The following ASIC2 variants were observed in gnomAD, a reference collection of about 807,000 sequenced individuals.
The protein encoded by ASIC2 is acid sensing ion channel subunit 2, also known as acid-sensing ion channel 2.
ASIC2 carries 25 observed loss-of-function variants against 57.3 expected under a neutral mutation model. The ratio of observed to expected loss-of-function variants is 0.44; its 90% CI spans 0.32 to 0.61. The LOEUF is 0.61. Among genes scored for constraint, ASIC2 ranks in the 20% least tolerant of loss-of-function variants. The probability of loss-of-function intolerance (pLI) is 0.06; values close to 1 mark genes in which losing one functional copy is unlikely to be tolerated. For synonymous variants in ASIC2, 319 were observed against 307.5 expected (o/e 1.04, Z -0.39); for missense variants, 641 against 738.1 (o/e 0.87, Z 1.52).
intron 1 of ASIC2, among the ~76,000 whole-genome samples, chr17:33,121,551 G>A (rs543218861): frequency 6.6e-6 from 1 of 152,296 alleles, no homozygotes; most frequent in Non-Finnish European, 1.5e-5. Context: ...TGTCTTAGCA[G>A]GGCCATGCTA....
chr17:33,030,744 A>G (rs773846160), intron 3 of ASIC2, among the ~76,000 whole-genome samples: 30 of 152,152 alleles, frequency 2.0e-4, no homozygotes, highest in Non-Finnish European at 8.8e-5. Context: ...TGGCAAATAT[A>G]CTTTCTACTT....
chr17:33,416,338 C>T (rs73983490), intron 1 of ASIC2, among the ~76,000 whole-genome samples: 24 of 152,352 alleles, frequency 1.6e-4, no homozygotes, highest in African/African-American at 5.5e-4. Flanking sequence ...TTCATCATGG[C>T]AGTTGACATC....
intron 1 of ASIC2, among the ~76,000 whole-genome samples, chr17:33,288,715 GACACACACAC>G (rs56013728): frequency 0.017 from 2,456 of 143,606 alleles, 72 homozygotes; most frequent in African/African-American, 0.059. Context: ...AGCTCTCTCT[GACACACACAC>G]ACACACACAC....
At chr17:33,472,505 G>C (rs1400361737) in intron 1 of ASIC2, among the ~76,000 whole-genome samples, 1 of 152,172 alleles carries the variant, frequency 6.6e-6, no homozygotes, top group African/African-American at 2.4e-5. Context: ...TATACAGCTA[G>C]GAGCAGAAAC....
At chr17:34,092,284 G>T (rs140806328) in intron 1 of ASIC2, among the ~76,000 whole-genome samples, 1 of 152,204 alleles carries the variant, frequency 6.6e-6, no homozygotes, top group Non-Finnish European at 1.5e-5. Flanking sequence ...AGGCAAAGTG[G>T]TATTGGCCAG....
intron 1 of ASIC2, among the ~76,000 whole-genome samples, chr17:33,267,955 A>G (rs2142153200): frequency 1.3e-5 from 2 of 152,252 alleles, no homozygotes; most frequent in East Asian, 3.9e-4. Context: ...ACAAGATCTT[A>G]ATTTCTTTTG....
At chr17:33,269,826 T>C (rs1023042705) in intron 1 of ASIC2, among the ~76,000 whole-genome samples, 1 of 151,428 alleles carries the variant, frequency 6.6e-6, no homozygotes, top group Non-Finnish European at 1.5e-5. Flanking sequence ...GTAGTAAAAC[T>C]AGTTTCTGTG....
In ASIC2 at chr17:33,165,244, G is replaced by A. The variant is rs553563777; in HGVS notation, c.709-53177C>T. Among the ~76,000 whole-genome samples the A allele has an allele frequency of 2.6e-5, 4 of 152,302 alleles. No homozygotes were observed. The South Asian group carries it at 8.3e-4, about 32-fold the overall frequency. On this transcript the variant is annotated intron_variant, in intron 1 of 9. Coordinates refer to ENST00000225823, the MANE Select transcript of ASIC2 (RefSeq NM_183377.2). The stretch of plus-strand genomic sequence containing the variant: ...CAAGAGCTGGGCTTTCCCCTTTGTG[G>A]ACTCAGGCATCTAGGTAGGAGCAGG...
intron 1 of ASIC2, among the ~76,000 whole-genome samples, chr17:33,666,813 C>T (rs77530538): frequency 0.015 from 2,348 of 152,294 alleles, 79 homozygotes; most frequent in African/African-American, 0.053. Flanking sequence ...TCTGCTGCCC[C>T]AGAATCGTTT....
intron 3 of ASIC2, among the ~76,000 whole-genome samples, chr17:33,085,064 GACTTCT>G (rs2092129482): frequency 6.6e-6 from 1 of 152,140 alleles, no homozygotes; most frequent in Admixed American, 6.5e-5. Context: ...TTCATGGTAG[GACTTCT>G]TTAAGTCACT....
At chr17:33,210,114 T>A (rs1252022960) in intron 1 of ASIC2, among the ~76,000 whole-genome samples, 1 of 152,148 alleles carries the variant, frequency 6.6e-6, no homozygotes, top group Non-Finnish European at 1.5e-5. Context: ...AGAAAGTTTC[T>A]GAGTGGCCAC....
At chr17:33,788,091 C>T (rs1911659784) in intron 1 of ASIC2, among the ~76,000 whole-genome samples, 1 of 152,102 alleles carries the variant, frequency 6.6e-6, no homozygotes, top group African/African-American at 2.4e-5. Context: ...AGCTTCTGCA[C>T]AGCAAAAGAA....
chr17:34,037,997 C>T, intron 1 of ASIC2: 1 of 1,613,594 alleles, frequency 6.2e-7, no homozygotes, highest in Non-Finnish European at 8.5e-7. Context: ...AACCACAAAA[C>T]ACTCTGGTGG....
At chr17:33,215,450 A>G (rs1400639340) in intron 1 of ASIC2, among the ~76,000 whole-genome samples, 1 of 152,236 alleles carries the variant, frequency 6.6e-6, no homozygotes, top group Non-Finnish European at 1.5e-5. Context: ...CACACAATGG[A>G]GTTTTATGTA....
intron 3 of ASIC2, among the ~76,000 whole-genome samples, chr17:33,032,440 G>GT (rs60183644): frequency 0.037 from 3,431 of 93,932 alleles, 911 homozygotes; most frequent in African/African-American, 0.12. Flanking sequence ...ATAATACACT[G>GT]TTTTTTTTTT....
intron 1 of ASIC2, among the ~76,000 whole-genome samples, chr17:33,377,754 G>T (rs892959698): frequency 1.3e-5 from 2 of 152,092 alleles, no homozygotes; most frequent in African/African-American, 4.8e-5. Flanking sequence ...TCAACCCCTA[G>T]CTCCTCTGAC....
At chr17:33,106,671 G>A (rs1322720615) in intron 2 of ASIC2, among the ~76,000 whole-genome samples, 1 of 152,100 alleles carries the variant, frequency 6.6e-6, no homozygotes, top group East Asian at 1.9e-4. Flanking sequence ...GGTCTCAGGT[G>A]AACTAATTCC....
intron 1 of ASIC2, among the ~76,000 whole-genome samples, chr17:33,788,201 A>G (rs1911662435): frequency 6.6e-6 from 1 of 152,204 alleles, no homozygotes; most frequent in Non-Finnish European, 1.5e-5. Flanking sequence ...AAAGGAACAT[A>G]AACATATTTA....
At chr17:33,976,101 C>T (rs1163482479) in intron 1 of ASIC2, among the ~76,000 whole-genome samples, 1 of 149,568 alleles carries the variant, frequency 6.7e-6, no homozygotes, top group Non-Finnish European at 1.5e-5. Context: ...TCAATGAAGC[C>T]TTCCCTGGTC....
Sources: gnomAD v4.1 joint callset for allele counts (sites outside exome capture counted in the v4.1 genomes callset) on GRCh38, gnomAD v4.1.1 for gene constraint, MANE v1.5 for transcripts, NCBI Gene and HGNC (gene_info 2026-07-23, HGNC 2026-07-21) for gene names.